The following PPARGC1B variants were observed in gnomAD, a reference collection of about 807,000 sequenced individuals.
PPARGC1B encodes the protein PPARG coactivator 1 beta.
PPARGC1B carries 34 observed loss-of-function variants against 101.6 expected under a neutral mutation model. The observed-to-expected ratio is 0.33, with a 90% CI of 0.25 to 0.45. PPARGC1B has a LOEUF of 0.45. Among genes scored for constraint, PPARGC1B ranks in the 20% least tolerant of loss-of-function variants. The pLI, the probability that PPARGC1B is intolerant of heterozygous loss-of-function variation, is 1.00. For synonymous variants in PPARGC1B, 548 were observed against 539.3 expected (o/e 1.02, Z -0.22); for missense variants, 1,234 against 1,317.6 (o/e 0.94, Z 0.98).
intron 2 of PPARGC1B, among the ~76,000 whole-genome samples, chr5:149,825,007 C>T (rs1244522265): frequency 6.6e-6 from 1 of 152,240 alleles, no homozygotes; most frequent in East Asian, 1.9e-4. Flanking sequence ...GAACTTCCTG[C>T]AGAAAGGATA....
intron 1 of PPARGC1B, chr5:149,817,805 A>G (rs776816458): frequency 4.4e-6 from 2 of 456,784 alleles, no homozygotes; most frequent in Non-Finnish European, 8.8e-6. Context: ...TGTGGAAAAC[A>G]GTTTTCTGTT....
intron 1 of PPARGC1B, among the ~76,000 whole-genome samples, chr5:149,731,348 C>T (rs1462684769): frequency 2.6e-5 from 4 of 151,700 alleles, no homozygotes; most frequent in Non-Finnish European, 4.4e-5. Flanking sequence ...CCCACCCCTT[C>T]CCCCATTTTC....
intron 1 of PPARGC1B, among the ~76,000 whole-genome samples, chr5:149,774,507 C>T (rs528024098): frequency 2.0e-5 from 3 of 152,140 alleles, no homozygotes; most frequent in South Asian, 2.1e-4. Context: ...CCACGATGAC[C>T]GGCCTGACCA....
In PPARGC1B at chr5:149,833,143, A is replaced by T; in HGVS notation, c.1070A>T (p.Lys357Ile). ...CAAGACGTGCTCTGTGATGTCAGCA[A>T]ACCCTACCGTCTGGCCACGCCTGTT... ...LAQDVLCDVSKPYRLATPVYA... is the reference protein window; with the variant it reads ...LAQDVLCDVSIPYRLATPVYA... The change falls in exon 5 of 12, where the codon AAA (lysine) becomes ATA (isoleucine). Residue 357 changes from lysine to isoleucine, a missense_variant. Lys to Ile is a moderately radical substitution (Grantham distance 102, BLOSUM62 -3). Coordinates refer to ENST00000309241, the MANE Select transcript of PPARGC1B (RefSeq NM_133263.4). This position sits in a 1 kb window ranked among gnomAD's most constrained non-coding sequence, Gnocchi z 4.1. 1 of 1,613,708 alleles carries T rather than the reference A, an allele frequency of 6.2e-7. No individual in the cohort carries two copies. Among genetic ancestry groups the T allele is most frequent in the Non-Finnish European group, 8.5e-7 (1 of 1,180,004 alleles).
At chr5:149,784,108 C>G (rs1756696494) in intron 1 of PPARGC1B, among the ~76,000 whole-genome samples, 2 of 152,124 alleles carry the variant, frequency 1.3e-5, no homozygotes, top group South Asian at 4.2e-4. Context: ...TGCATCACCC[C>G]AACCCCAGCC....
At chr5:149,751,799 G>T (rs576236960) in intron 1 of PPARGC1B, among the ~76,000 whole-genome samples, 20 of 152,134 alleles carry the variant, frequency 1.3e-4, no homozygotes, top group Non-Finnish European at 2.2e-4. Context: ...AACATTGTAG[G>T]TTTCACTTCT....
chr5:149,797,946 TA>T (rs1264246103), intron 1 of PPARGC1B, among the ~76,000 whole-genome samples: 10 of 152,194 alleles, frequency 6.6e-5, no homozygotes, highest in Admixed American at 4.6e-4. Context: ...ACAATTCATT[TA>T]TTTTTTTATT....
chr5:149,841,602 G>A (rs17653642), intron 9 of PPARGC1B, among the ~76,000 whole-genome samples: 5,003 of 152,234 alleles, frequency 0.033, 162 homozygotes, highest in Admixed American at 0.1. Context: ...AGCTTCTCTC[G>A]CAGGTCAGAG....
At chr5:149,834,636 A>C (rs764555713) in intron 5 of PPARGC1B, 38 bp from the exon 6 acceptor site, 1 of 1,598,960 alleles carries the variant, frequency 6.3e-7, no homozygotes, top group African/African-American at 1.3e-5. Context: ...TAGTGATACC[A>C]TATTGGGGAA....
At chr5:149,813,399 C>G (rs560700206) in intron 1 of PPARGC1B, among the ~76,000 whole-genome samples, 1 of 152,306 alleles carries the variant, frequency 6.6e-6, no homozygotes, top group South Asian at 2.1e-4. Flanking sequence ...CCCAGGCCGA[C>G]CTGAAGAGAG....
In PPARGC1B at chr5:149,836,297, C is replaced by T; in HGVS notation, c.1842C>T (p.Pro614=). The change falls in exon 8 of 12, where the codon CCC becomes CCT. Residue 614 remains proline (P), a synonymous_variant. Coordinates refer to ENST00000309241, the MANE Select transcript of PPARGC1B (RefSeq NM_133263.4). Reference sequence around the variant, plus strand: ...CACCCACCACACCACCGTACAAGCCCACAGAGGAGGATCCCTTCAAACCAG... The same window carrying T: ...CACCCACCACACCACCGTACAAGCCTACAGAGGAGGATCCCTTCAAACCAG... The part of the protein sequence containing the change: ...LTPPTTPPYK[P]TEEDPFKPDI... 6.2e-7 allele frequency: 1 copy of T among 1,606,872 alleles called. No individual in the cohort carries two copies. The highest frequency in any genetic ancestry group is 8.5e-7 in the Non-Finnish European group (1 of 1,176,558).
intron 1 of PPARGC1B, among the ~76,000 whole-genome samples, chr5:149,759,151 T>C (rs1404516231): frequency 6.6e-6 from 1 of 152,234 alleles, no homozygotes; most frequent in East Asian, 1.9e-4. Flanking sequence ...TATTGAAGAA[T>C]CTATCTTTAT....
intron 10 of PPARGC1B, among the ~76,000 whole-genome samples, chr5:149,845,200 G>T (rs563580172): frequency 6.6e-6 from 1 of 152,208 alleles, no homozygotes; most frequent in Non-Finnish European, 1.5e-5. Flanking sequence ...GGCAAGATGC[G>T]TGCAGAAGAC....
intron 2 of PPARGC1B, among the ~76,000 whole-genome samples, chr5:149,825,204 G>A (rs74839673): frequency 1.3e-5 from 2 of 152,220 alleles, no homozygotes; most frequent in African/African-American, 4.8e-5. Flanking sequence ...AACACACGCC[G>A]ACCCTCCTTA....
At chr5:149,758,494 G>T (rs914295087) in intron 1 of PPARGC1B, among the ~76,000 whole-genome samples, 1 of 152,232 alleles carries the variant, frequency 6.6e-6, no homozygotes, top group Non-Finnish European at 1.5e-5. Context: ...CACTGGCGCT[G>T]CACATAGCAG....
chr5:149,847,181 G>A (rs1009576742), intron 11 of PPARGC1B: 1 of 558,568 alleles, frequency 1.8e-6, no homozygotes, highest in African/African-American at 1.9e-5. Flanking sequence ...TAGAGTTGTA[G>A]GGTGTTGGAG....
chr5:149,778,673 C>A lies in PPARGC1B; in HGVS notation c.79-41760C>A, dbSNP rs183425396. ...GTGGGCCCTCATAGAGCAAGGCTCA[C>A]CCCTCCTGCAAGTCACAGCCCTTCA... On this transcript the variant is annotated intron_variant, in intron 1 of 11. Transcript: ENST00000309241. 7.2e-5 allele frequency among the ~76,000 whole-genome samples: 11 copies of A among 152,276 alleles called. 1 individual carries two copies. The highest frequency in any genetic ancestry group is 6.5e-4 in the Admixed American group (10 of 15,304).
In PPARGC1B at chr5:149,840,054, G is replaced by A. The variant is rs1358398666; in HGVS notation, c.2632G>A (p.Gly878Arg). ...GTTCACTGACAGATGTGAGAGCAGA[G>A]GGCCGTGTTCAGACAGAACGCCAAG... The part of the protein sequence containing the change: ...TRRNFRCESR[G>R]PCSDRTPSIR... Residue 878 changes from glycine to arginine, a missense_variant, in exon 9 of 12, where the codon GGG (glycine) becomes AGG (arginine). Transcript: ENST00000309241. The A allele has an allele frequency of 3.7e-6, 6 of 1,614,040 alleles. No individual in the cohort carries two copies. Among genetic ancestry groups the A allele is most frequent in the Non-Finnish European group, 5.1e-6 (6 of 1,180,036 alleles).
chr5:149,739,048 T>C (rs1277954362), intron 1 of PPARGC1B, among the ~76,000 whole-genome samples: 1 of 152,226 alleles, frequency 6.6e-6, no homozygotes, highest in Non-Finnish European at 1.5e-5. Context: ...GGACTAGCAG[T>C]GTGGTTGCCT....
Sources: allele counts gnomAD v4.1 joint callset (sites outside exome capture counted in the v4.1 genomes callset), GRCh38; gene constraint gnomAD v4.1.1; non-coding constraint Gnocchi (gnomAD v3.1); transcripts MANE v1.5; gene names NCBI Gene and HGNC (gene_info 2026-07-23, HGNC 2026-07-21).